CMSS1: variants seen among roughly 807,000 people sequenced by gnomAD.
CMSS1 encodes the protein protein CMSS1.
Under a neutral mutation model 43.5 loss-of-function variants are expected in CMSS1, and 33 were observed. The observed-to-expected ratio is 0.76, with a 90% confidence interval of 0.57 to 1.01. The LOEUF (loss-of-function observed/expected upper bound fraction) is 1.01. Ranked by LOEUF, CMSS1 falls within the 50% of genes least tolerant of loss-of-function variation. The pLI is 0.00. For missense variants in CMSS1, 313 were observed against 326.4 expected (o/e 0.96, Z 0.32); for synonymous variants, 115 against 117.2 (o/e 0.98, Z 0.12).
chr3:99,894,375 G>T (rs1706184202), intron 1 of CMSS1, among the ~76,000 whole-genome samples: 1 of 152,208 alleles, frequency 6.6e-6, no homozygotes, highest in Non-Finnish European at 1.5e-5. Flanking sequence ...TGCCAGGTCT[G>T]GCCAGAGGTG....
intron 6 of CMSS1, among the ~76,000 whole-genome samples, chr3:100,168,635 C>T (rs1206266770): frequency 6.6e-6 from 1 of 151,934 alleles, no homozygotes; most frequent in Non-Finnish European, 1.5e-5. Flanking sequence ...AAAATGTATA[C>T]CATATTCTTG....
At chr3:100,134,395 C>G (rs1342871198) in intron 1 of CMSS1, among the ~76,000 whole-genome samples, 3 of 152,116 alleles carry the variant, frequency 2.0e-5, no homozygotes, top group Non-Finnish European at 2.9e-5. Context: ...AAAATTAAAG[C>G]TAAAATTTAG....
Position 100,166,421 on chromosome 3 carries a change from T to C in CMSS1, c.415+27T>C, listed in dbSNP as rs1459552079. 3 of 1,419,688 alleles carry C rather than the reference T, an allele frequency of 2.1e-6. No homozygotes were observed. In the Admixed American group the frequency reaches 5.2e-5, roughly 25 times the overall value. 87.9% of individuals were successfully genotyped at this position (1,419,688 alleles called of 1,614,324 possible). A position where few individuals can be genotyped will look rare whatever the true frequency, so the allele number is the denominator to read the frequency against. On this transcript the variant is annotated intron_variant, in intron 5 of 9. Transcript: ENST00000421999. ...TAAGTAAACTCTGATTTTAATCTAT[T>C]TAAACTCATTCTTATTTTGCTCTGG...
chr3:99,911,143 A>T (rs1706774089), intron 1 of CMSS1, among the ~76,000 whole-genome samples: 1 of 152,052 alleles, frequency 6.6e-6, no homozygotes, highest in African/African-American at 2.4e-5. Flanking sequence ...TTAGGATGAA[A>T]TGAGATTTAT....
In CMSS1 at chr3:100,162,342, C is replaced by G. The variant is rs2067031184; in HGVS notation, c.265C>G (p.Pro89Ala). The change falls in exon 4 of 10, where the codon CCA (proline) becomes GCA (alanine). Residue 89 changes from proline (P) to alanine (A), a missense_variant. Coordinates refer to ENST00000421999, the MANE Select transcript of CMSS1 (RefSeq NM_032359.4). ...TGTTCTTGCAAAATCAGAACCAAAACCAGGGTTACCTGAAGACCTACAGAA... is the reference window on the plus strand; with the variant it reads ...TGTTCTTGCAAAATCAGAACCAAAAGCAGGGTTACCTGAAGACCTACAGAA... Reference protein sequence around the residue: ...TDVLAKSEPKPGLPEDLQKLM... With the variant: ...TDVLAKSEPKAGLPEDLQKLM... 2 of 1,612,864 alleles carry G rather than the reference C, an allele frequency of 1.2e-6. No individual in the cohort carries two copies. The highest frequency in any genetic ancestry group is 1.1e-5 in the South Asian group (1 of 90,948).
At chr3:100,019,316 T>C (rs1311952617) in intron 1 of CMSS1, among the ~76,000 whole-genome samples, 1 of 152,104 alleles carries the variant, frequency 6.6e-6, no homozygotes, top group Non-Finnish European at 1.5e-5. Flanking sequence ...GCTATGATCA[T>C]GCCACTGCAC....
At chr3:99,953,748 G>A (rs1708243770) in intron 1 of CMSS1, among the ~76,000 whole-genome samples, 1 of 152,182 alleles carries the variant, frequency 6.6e-6, no homozygotes, top group African/African-American at 2.4e-5. Flanking sequence ...GCCTTTCCTA[G>A]AAACTCAGTC....
At chr3:99,916,137 G>A (rs148653009) in intron 1 of CMSS1, among the ~76,000 whole-genome samples, 2 of 152,304 alleles carry the variant, frequency 1.3e-5, no homozygotes, top group East Asian at 3.9e-4. Context: ...TTGGTAGACT[G>A]CCTTCCCCAG....
intron 1 of CMSS1, chr3:99,929,880 G>A (rs1373303514): frequency 6.2e-7 from 1 of 1,613,230 alleles, no homozygotes; most frequent in Non-Finnish European, 8.5e-7. Context: ...TCTCATAGAT[G>A]TCCTCCTGCC....
At chr3:100,151,696 G>T (rs186211778) in intron 2 of CMSS1, among the ~76,000 whole-genome samples, 1 of 152,124 alleles carries the variant, frequency 6.6e-6, no homozygotes, top group Non-Finnish European at 1.5e-5. Flanking sequence ...TGAGTACCGG[G>T]AGATCGAGAT....
At chr3:99,920,134 T>C (rs901355952) in intron 1 of CMSS1, among the ~76,000 whole-genome samples, 1 of 152,216 alleles carries the variant, frequency 6.6e-6, no homozygotes, top group Non-Finnish European at 1.5e-5. Context: ...AGAGCTGCCA[T>C]AACAATATTT....
chr3:99,939,068 G>T (rs1313578467), intron 1 of CMSS1, among the ~76,000 whole-genome samples: 2 of 152,174 alleles, frequency 1.3e-5, no homozygotes, highest in Non-Finnish European at 2.9e-5. Flanking sequence ...ACAAGGGATT[G>T]GAAAGTGGGG....
intron 1 of CMSS1, among the ~76,000 whole-genome samples, chr3:99,964,743 C>T (rs923732098): frequency 1.3e-5 from 2 of 152,002 alleles, no homozygotes; most frequent in South Asian, 2.1e-4. Context: ...GGAGGGCAGC[C>T]GAAGAAAGAG....
chr3:99,849,355 T>C (rs1368005189), intron 1 of CMSS1: 3 of 1,614,130 alleles, frequency 1.9e-6, no homozygotes, highest in Non-Finnish European at 2.5e-6. Context: ...GAAATGCCGG[T>C]ACCTCTCTAA....
Position 100,167,784 on chromosome 3 carries a change from A to G in CMSS1, c.462A>G (p.Lys154=). The change falls in exon 6 of 10, where the codon AAA becomes AAG. Residue 154 remains lysine (K), a synonymous_variant. Coordinates refer to ENST00000421999, the MANE Select transcript of CMSS1 (RefSeq NM_032359.4). ...TTAGGAAGAACCACAGTGAGAAGAA[A>G]TCGGTCCTGATGCTGATCATCTGCA... ...VKLRKNHSEK[K]SVLMLIICSS... 1 of 1,613,466 alleles carries G rather than the reference A, an allele frequency of 6.2e-7. No individual in the cohort carries two copies.
intron 1 of CMSS1, among the ~76,000 whole-genome samples, chr3:99,854,940 A>C (rs1576516402): frequency 1.3e-5 from 2 of 152,226 alleles, no homozygotes; most frequent in African/African-American, 4.8e-5. Context: ...GAATCTTGTT[A>C]AACTGCAGAC....
At chr3:100,122,449 G>A (rs2066630073) in intron 1 of CMSS1, among the ~76,000 whole-genome samples, 1 of 152,188 alleles carries the variant, frequency 6.6e-6, no homozygotes, top group Non-Finnish European at 1.5e-5. Context: ...CCATGATTTG[G>A]CAGCCTAGGC....
intron 1 of CMSS1, among the ~76,000 whole-genome samples, chr3:99,839,561 C>T (rs749675374): frequency 1.3e-5 from 2 of 152,138 alleles, no homozygotes; most frequent in African/African-American, 2.4e-5. Context: ...CCTTCTCCCC[C>T]GACTCCATTT....
chr3:100,044,289 A>G (rs1479384497), intron 1 of CMSS1, among the ~76,000 whole-genome samples: 1 of 152,250 alleles, frequency 6.6e-6, no homozygotes, highest in Non-Finnish European at 1.5e-5. Context: ...TGCCCTAATG[A>G]AGTTTATATT....
Sources: gnomAD v4.1 joint callset for allele counts (sites outside exome capture counted in the v4.1 genomes callset) on GRCh38, gnomAD v4.1.1 for gene constraint, MANE v1.5 for transcripts, NCBI Gene and HGNC (gene_info 2026-07-23, HGNC 2026-07-21) for gene names.